NRG1: variants seen among roughly 807,000 people sequenced by gnomAD.
NRG1 encodes the protein neuregulin 1.
NRG1 carries 18 observed loss-of-function variants against 63.8 expected under a neutral mutation model. The ratio of observed to expected loss-of-function variants is 0.28; its 90% CI spans 0.19 to 0.42. The LOEUF (loss-of-function observed/expected upper bound fraction) is 0.42, where lower values mean the gene tolerates loss of function less well. Ranked by LOEUF, NRG1 falls within the 10% of genes least tolerant of loss-of-function variation. NRG1 has a pLI of 1.00. For missense variants in NRG1, 762 were observed against 814.7 expected (o/e 0.94, Z 0.79); for synonymous variants, 302 against 301.3 (o/e 1.00, Z -0.02).
At chr8:31,834,991 T>G (rs1367391963) in intron 1 of NRG1, among the ~76,000 whole-genome samples, 1 of 152,224 alleles carries the variant, frequency 6.6e-6, no homozygotes, top group African/African-American at 2.4e-5. Flanking sequence ...GTTTTCTATC[T>G]TATAGTCTGA....
exon 10 of NRG1, chr8:32,759,362 G>C (rs777480775): frequency 6.2e-7 from 1 of 1,613,956 alleles, no homozygotes; most frequent in East Asian, 2.2e-5. Context: ...GAGAAGCAGA[G>C]ACATCCTTTT....
intron 1 of NRG1, among the ~76,000 whole-genome samples, chr8:31,935,632 G>A (rs1835240853): frequency 6.6e-6 from 1 of 152,202 alleles, no homozygotes; most frequent in South Asian, 2.1e-4. Context: ...ATCACAGCTA[G>A]TGCAGTGCAG....
intron 1 of NRG1, among the ~76,000 whole-genome samples, chr8:31,709,515 T>C (rs1811526330): frequency 6.6e-6 from 1 of 152,094 alleles, no homozygotes; most frequent in African/African-American, 2.4e-5. Flanking sequence ...TCTGGGGCTA[T>C]TTTAAAATGC....
intron 1 of NRG1, among the ~76,000 whole-genome samples, chr8:31,923,490 T>C (rs1407496245): frequency 6.6e-6 from 1 of 152,170 alleles, no homozygotes; most frequent in African/African-American, 2.4e-5. Context: ...CTAATTGCTT[T>C]TTATTTCTCT....
intron 1 of NRG1, among the ~76,000 whole-genome samples, chr8:32,163,138 G>A (rs964996279): frequency 2.0e-5 from 3 of 152,308 alleles, no homozygotes; most frequent in South Asian, 2.1e-4. Flanking sequence ...TTACAAGAGC[G>A]AGACAGGAAG....
chr8:32,112,349 T>C, intron 1 of NRG1, among the ~76,000 whole-genome samples: 1 of 152,234 alleles, frequency 6.6e-6, no homozygotes, highest in East Asian at 1.9e-4. Context: ...ATCTTGTGTC[T>C]GAAGCCGTGA....
chr8:31,753,488 T>C (rs2131470335), intron 1 of NRG1, among the ~76,000 whole-genome samples: 1 of 152,212 alleles, frequency 6.6e-6, no homozygotes, highest in South Asian at 2.1e-4. Flanking sequence ...AGCCAAGGGA[T>C]TTTTGAGTTT....
At chr8:32,560,254 C>G (rs1836125952) in intron 1 of NRG1, among the ~76,000 whole-genome samples, 2 of 150,210 alleles carry the variant, frequency 1.3e-5, no homozygotes, top group African/African-American at 4.9e-5. Flanking sequence ...AATTTCAATT[C>G]TATTTTGAGC....
chr8:32,458,104 G>C (rs1821844513), intron 1 of NRG1, among the ~76,000 whole-genome samples: 1 of 152,068 alleles, frequency 6.6e-6, no homozygotes. Context: ...TTTTAGTAGA[G>C]ACGGGGTTTC....
At chr8:31,708,759 TA>T (rs1456360432) in intron 1 of NRG1, among the ~76,000 whole-genome samples, 2 of 152,336 alleles carry the variant, frequency 1.3e-5, no homozygotes, top group Non-Finnish European at 2.9e-5. Context: ...TAATTGTTTT[TA>T]AAGCCATTTT....
chr8:32,137,242 T>C (rs530348285), intron 1 of NRG1, among the ~76,000 whole-genome samples: 19 of 152,178 alleles, frequency 1.2e-4, no homozygotes, highest in African/African-American at 4.6e-4. Context: ...GGTCACGAGT[T>C]CAAGACCAGC....
At chr8:32,172,063 G>A (rs953862901) in intron 1 of NRG1, among the ~76,000 whole-genome samples, 2 of 152,160 alleles carry the variant, frequency 1.3e-5, no homozygotes, top group African/African-American at 4.8e-5. Context: ...GTGCGTCCCT[G>A]ACCCCTGAGT....
chr8:31,891,357 A>G (rs1488161508), intron 1 of NRG1, among the ~76,000 whole-genome samples: 3 of 152,200 alleles, frequency 2.0e-5, no homozygotes, highest in African/African-American at 7.2e-5. Context: ...CAAAGAGGAT[A>G]TACATTTGGT....
At chr8:32,715,751 G>A (rs1345273486) in intron 5 of NRG1, among the ~76,000 whole-genome samples, 1 of 151,270 alleles carries the variant, frequency 6.6e-6, no homozygotes, top group Non-Finnish European at 1.5e-5. Flanking sequence ...TGATTCTCCT[G>A]CCTCAGCCTC....
At chr8:32,295,955 A>AAG (rs1008114143) in intron 1 of NRG1, among the ~76,000 whole-genome samples, 41 of 135,814 alleles carry the variant, frequency 3.0e-4, no homozygotes, top group Non-Finnish European at 2.5e-4. Context: ...AAAAAAAAAA[A>AAG]AGAGAGAGAG....
chr8:31,750,783 T>A (rs1816380962), intron 1 of NRG1, among the ~76,000 whole-genome samples: 1 of 151,974 alleles, frequency 6.6e-6, no homozygotes, highest in Admixed American at 6.6e-5. Context: ...TGCAGTGATA[T>A]TTGCTGATAG....
chr8:32,281,980 T>C (rs751344755), intron 1 of NRG1, among the ~76,000 whole-genome samples: 6 of 152,224 alleles, frequency 3.9e-5, no homozygotes, highest in Non-Finnish European at 8.8e-5. Context: ...TCAAGGACAT[T>C]CTGAGGCTTT....
chr8:31,642,445 A>G (rs1803888390), intron 1 of NRG1, among the ~76,000 whole-genome samples: 1 of 152,202 alleles, frequency 6.6e-6, no homozygotes, highest in African/African-American at 2.4e-5. Context: ...TGTTAGTTAT[A>G]CCTTTTAACT....
chr8:31,981,435 A>G (rs950807803), intron 1 of NRG1, among the ~76,000 whole-genome samples: 2 of 152,084 alleles, frequency 1.3e-5, no homozygotes, highest in Non-Finnish European at 2.9e-5. Flanking sequence ...AACTCTTTTT[A>G]AACTAGAAAA....
Sources: allele counts gnomAD v4.1 joint callset (sites outside exome capture counted in the v4.1 genomes callset), GRCh38; gene constraint gnomAD v4.1.1; transcripts MANE v1.5; gene names NCBI Gene and HGNC (gene_info 2026-07-23, HGNC 2026-07-21).